Variants in SIPA1L3 observed in about 807,000 individuals in gnomAD.
The protein encoded by SIPA1L3 is signal induced proliferation associated 1 like 3.
A neutral mutation model predicts 150.1 loss-of-function variants in SIPA1L3; 59 were observed. That is an observed-to-expected ratio of 0.39 (90% CI 0.32 to 0.49). The LOEUF (loss-of-function observed/expected upper bound fraction) is 0.49, where lower values mean the gene tolerates loss of function less well. Ranked by LOEUF, SIPA1L3 falls within the 20% of genes least tolerant of loss-of-function variation. SIPA1L3 has a pLI of 0.86. For synonymous variants in SIPA1L3, 1,070 were observed against 1,077.6 expected (o/e 0.99, Z 0.14); for missense variants, 2,211 against 2,489.5 (o/e 0.89, Z 2.38).
Position 38,119,373 on chromosome 19 carries a change from C to T in SIPA1L3, c.2359C>T (p.Arg787Cys), listed in dbSNP as rs1276536078. 18 of 1,614,068 alleles carry T rather than the reference C, an allele frequency of 1.1e-5. No individual in the cohort carries two copies. Among genetic ancestry groups the T allele is most frequent in the Admixed American group, 5.0e-5 (3 of 59,996 alleles). The change falls in exon 9 of 22, where the codon CGC becomes TGC. Residue 787 changes from arginine (R) to cysteine (C), a missense_variant. Arg to Cys is a radical substitution (Grantham distance 180). Transcript: ENST00000222345. The stretch of plus-strand genomic sequence containing the variant: ...CCCCATCCCCAGTGGAACCACATTC[C>T]GCAAATCCGACGTCTTCAGAGACTT... ...GPPIPSGTTF[R>C]KSDVFRDFLL...
At chr19:38,196,605 G>C (rs941837338) in intron 18 of SIPA1L3, among the ~76,000 whole-genome samples, 7 of 150,654 alleles carry the variant, frequency 4.6e-5, no homozygotes, top group South Asian at 2.1e-4. Context: ...GGAGCATGGA[G>C]GTCAAGGGCA....
rs745315016 is a variant in SIPA1L3 at position 38,082,102 on chromosome 19, T to TGACGCGGAG, written c.545_553dup (p.Glu182_Ala184dup). ...GCAGCGAGATCACCCTCAGCGAGTGTGACGCGGAGGACGCGGGGGAGCCGC... is the reference window on the plus strand; with the variant it reads ...GCAGCGAGATCACCCTCAGCGAGTGTGACGCGGAGGACGCGGAGGACGCGGGGGAGCCGC... On this transcript the variant is annotated inframe_insertion, in exon 3 of 22. Coordinates refer to ENST00000222345, the MANE Select transcript of SIPA1L3 (RefSeq NM_015073.3). 1.5e-5 allele frequency: 24 copies of TGACGCGGAG among 1,609,570 alleles called. No homozygotes were observed. The highest frequency in any genetic ancestry group is 2.2e-5 in the East Asian group (1 of 44,842).
chr19:38,176,063 C>T (rs572553087), intron 15 of SIPA1L3, among the ~76,000 whole-genome samples: 11 of 152,152 alleles, frequency 7.2e-5, no homozygotes, highest in Non-Finnish European at 1.6e-4. Flanking sequence ...AAAAATTAGC[C>T]AGGCATAATG....
At chr19:38,024,424 G>T (rs1475842674) in intron 1 of SIPA1L3, among the ~76,000 whole-genome samples, 1 of 152,058 alleles carries the variant, frequency 6.6e-6, no homozygotes, top group Non-Finnish European at 1.5e-5. Context: ...TGAGATGAGG[G>T]TGTGGGGCCT....
At chr19:38,088,581 C>G in intron 3 of SIPA1L3, 140 bp from the exon 4 acceptor site, 1 of 1,024,158 alleles carries the variant, frequency 9.8e-7, no homozygotes, top group South Asian at 1.6e-5. Flanking sequence ...GTGTCTGTGA[C>G]CAGGCATGAG....
At chr19:38,102,678 A>C (rs1482240962) in intron 6 of SIPA1L3, among the ~76,000 whole-genome samples, 2 of 152,174 alleles carry the variant, frequency 1.3e-5, no homozygotes, top group East Asian at 3.9e-4. Context: ...ACTCTAAAGA[A>C]AAACAGAGCC....
chr19:38,187,050 C>G (rs970022081), intron 16 of SIPA1L3, among the ~76,000 whole-genome samples: 2 of 150,428 alleles, frequency 1.3e-5, no homozygotes, highest in East Asian at 3.9e-4. Flanking sequence ...TGCAGTGTCT[C>G]ACATCTGTAA....
intron 1 of SIPA1L3, among the ~76,000 whole-genome samples, chr19:37,953,532 ATG>A (rs34795645): frequency 0.53 from 80,345 of 151,786 alleles, 22,978 homozygotes; most frequent in East Asian, 0.84. Context: ...TGCATTCCTC[ATG>A]TGTGTGTGTG....
intron 2 of SIPA1L3, among the ~76,000 whole-genome samples, chr19:38,059,856 A>G (rs941394071): frequency 2.6e-5 from 4 of 151,866 alleles, no homozygotes; most frequent in African/African-American, 9.7e-5. Flanking sequence ...CGGTCACTGC[A>G]GCCTCCGCCT....
At chr19:38,061,421 C>G (rs944012694) in intron 2 of SIPA1L3, among the ~76,000 whole-genome samples, 4 of 151,830 alleles carry the variant, frequency 2.6e-5, no homozygotes, top group Non-Finnish European at 5.9e-5. Context: ...TAGCTTCCCT[C>G]CCTCCCTGCA....
intron 2 of SIPA1L3, among the ~76,000 whole-genome samples, chr19:38,066,817 T>A (rs1306142363): frequency 6.6e-6 from 1 of 151,214 alleles, no homozygotes; most frequent in South Asian, 2.1e-4. Flanking sequence ...CAGAGCAAGA[T>A]TCCATCTCAA....
At chr19:38,183,602 G>C (rs1249436752) in intron 16 of SIPA1L3, among the ~76,000 whole-genome samples, 1 of 152,208 alleles carries the variant, frequency 6.6e-6, no homozygotes, top group Non-Finnish European at 1.5e-5. Flanking sequence ...GAGGCGTGAG[G>C]GGGGCCCTTG....
chr19:37,939,503 A>G (rs1390699388), intron 1 of SIPA1L3, among the ~76,000 whole-genome samples: 1 of 152,154 alleles, frequency 6.6e-6, no homozygotes, highest in African/African-American at 2.4e-5. Context: ...TCTCACGTAA[A>G]GGAGCCCCGT....
At chr19:37,970,115 TA>T in intron 1 of SIPA1L3, among the ~76,000 whole-genome samples, 1 of 152,212 alleles carries the variant, frequency 6.6e-6, no homozygotes, top group Non-Finnish European at 1.5e-5. Flanking sequence ...AAATTTTGGT[TA>T]GTTTGTCATT....
At chr19:37,984,008 T>C (rs948826729) in intron 1 of SIPA1L3, among the ~76,000 whole-genome samples, 12 of 151,722 alleles carry the variant, frequency 7.9e-5, no homozygotes, top group African/African-American at 2.9e-4. Context: ...CGAGTGGAGA[T>C]TTTTGGAGTT....
intron 1 of SIPA1L3, among the ~76,000 whole-genome samples, chr19:37,993,422 C>T (rs1967560662): frequency 6.6e-6 from 1 of 152,202 alleles, no homozygotes; most frequent in Non-Finnish European, 1.5e-5. Context: ...ACCTCCGCCT[C>T]CTGGGTTCAA....
intron 15 of SIPA1L3, among the ~76,000 whole-genome samples, chr19:38,179,367 G>A (rs1200563767): frequency 2.0e-5 from 3 of 152,216 alleles, no homozygotes; most frequent in Non-Finnish European, 4.4e-5. Flanking sequence ...GCTTGAGCCA[G>A]GGAGGCGGAG....
Position 38,164,627 on chromosome 19 carries a change from G to A in SIPA1L3, c.3929G>A (p.Gly1310Asp), listed in dbSNP as rs1208102888. 1 of 1,614,034 alleles carries A rather than the reference G, an allele frequency of 6.2e-7. No individual in the cohort carries two copies. The highest frequency in any genetic ancestry group is 1.7e-5 in the Admixed American group (1 of 60,014). Reference sequence around the variant, plus strand: ...TCCAAGGGTGGCTCTAGTGACAGCGGCATCGACACCACCCTCTACACCTCC... The same window carrying A: ...TCCAAGGGTGGCTCTAGTGACAGCGACATCGACACCACCCTCTACACCTCC... ...PLSKGGSSDS[G>D]IDTTLYTSSP... Residue 1310 changes from glycine (G) to aspartate (D), a missense_variant, in exon 15 of 22, where the codon GGC (glycine) becomes GAC (aspartate). Gly to Asp is a moderately conservative substitution (Grantham distance 94). Coordinates refer to ENST00000222345, the MANE Select transcript of SIPA1L3 (RefSeq NM_015073.3). The surrounding 1 kb of genome is among the most constrained non-coding windows in gnomAD (Gnocchi z 4.1).
Position 38,198,538 on chromosome 19 carries a change from C to A in SIPA1L3, c.4984+6C>A. 6.5e-7 allele frequency: 1 copy of A among 1,536,266 alleles called. No individual in the cohort carries two copies. Among genetic ancestry groups the A allele is most frequent in the Non-Finnish European group, 8.7e-7 (1 of 1,143,092 alleles). ...CGCAGCCAAGGCATACGAAGGTAGG[C>A]GCCTTCCACCCAGTCCCGCCAGGCC... On this transcript the variant is annotated splice_donor_region_variant and intron_variant, in intron 19 of 21. Transcript: ENST00000222345.
Sources: allele counts gnomAD v4.1 joint callset (sites outside exome capture counted in the v4.1 genomes callset), GRCh38; gene constraint gnomAD v4.1.1; non-coding constraint Gnocchi (gnomAD v3.1); transcripts MANE v1.5; gene names NCBI Gene and HGNC (gene_info 2026-07-23, HGNC 2026-07-21).